The following TRABD variants were observed in gnomAD, a reference collection of about 807,000 sequenced individuals.
TRABD encodes the protein traB domain-containing protein.
A neutral mutation model predicts 39.6 loss-of-function variants in TRABD; 23 were observed. The ratio of observed to expected loss-of-function variants is 0.58; its 90% confidence interval spans 0.42 to 0.82. The LOEUF (loss-of-function observed/expected upper bound fraction) is 0.82. Among genes scored for constraint, TRABD ranks in the 40% least tolerant of loss-of-function variants. TRABD has a pLI of 0.00. For synonymous variants in TRABD, 243 were observed against 232.1 expected (o/e 1.05, Z -0.43); for missense variants, 487 against 544.9 (o/e 0.89, Z 1.06).
In TRABD at chr22:50,198,224, A is replaced by G; in HGVS notation, c.956+38A>G. 1.3e-6 allele frequency: 2 copies of G among 1,574,268 alleles called. No individual in the cohort carries two copies. The highest frequency in any genetic ancestry group is 1.7e-6 in the Non-Finnish European group (2 of 1,157,312). Reference sequence around the variant, plus strand: ...CCCTCCCTGCAAGCCCCACCCCACAAGCCCCCAGGTGGAGGCTGAGCGCCC... The same window carrying G: ...CCCTCCCTGCAAGCCCCACCCCACAGGCCCCCAGGTGGAGGCTGAGCGCCC... On this transcript the variant is annotated intron_variant, in intron 9 of 9. Transcript: ENST00000380909. The surrounding 1 kb of genome is among the most constrained non-coding windows in gnomAD (Gnocchi z 7.9).
At position 50,198,952 on chromosome 22, in the gene TRABD, C is replaced by G. The variant is rs1010142917; in HGVS notation, c.*433C>G. ...CGGCTCCTGGGGGCTCCAGGGCAGG[C>G]GAGACTGGGAAAGGCCCAGCCCTGG... is the stretch of plus-strand genomic sequence containing the variant. On this transcript the variant is annotated 3_prime_UTR_variant, in exon 10 of 10. Coordinates refer to ENST00000380909, the MANE Select transcript of TRABD (RefSeq NM_001320485.2). The surrounding 1 kb of genome is among the most constrained non-coding windows in gnomAD (Gnocchi z 7.9). 5.0e-6 allele frequency: 3 copies of G among 602,460 alleles called. No individual in the cohort carries two copies. The highest frequency in any genetic ancestry group is 6.1e-6 in the Non-Finnish European group (2 of 330,326). The allele number at this position is 602,460 out of a possible 1,614,324, so 37.3% of individuals were successfully genotyped here. A position where few individuals can be genotyped will look rare whatever the true frequency, so the allele number is the denominator to read the frequency against.
chr22:50,192,123 G>C (rs993811867), intron 1 of TRABD: 4 of 152,360 alleles, frequency 2.6e-5, no homozygotes, highest in Non-Finnish European at 5.9e-5. Context: ...ACATGCATGA[G>C]CCATTAACTT....
At chr22:50,196,809 C>T (rs923053538) in intron 5 of TRABD, 4 of 159,086 alleles carry the variant, frequency 2.5e-5, no homozygotes, top group African/African-American at 9.6e-5. Context: ...ATTCTCCTGC[C>T]TCAGCCTCCC....
rs1265075011 is a variant in TRABD at position 50,197,525 on chromosome 22, C to T, written c.608C>T (p.Ala203Val). The change falls in exon 7 of 10, where the codon GCG becomes GTG. Residue 203 changes from alanine (A) to valine (V), a missense_variant. By Grantham distance (64) the Ala-to-Val change is moderately conservative. Around this residue, in one of 3 missense-constraint regions of TRABD, gnomAD observed 358 missense variants for 414.7 expected, o/e 0.86. Coordinates refer to ENST00000380909, the MANE Select transcript of TRABD (RefSeq NM_001320485.2). ...IPVTFKRAIAALSFWQKVRLA... is the reference protein window; with the variant it reads ...IPVTFKRAIAVLSFWQKVRLA... ...GTCACCTTCAAGAGGGCCATCGCAG[C>T]GCTCTCCTTCTGGCAGAAGGTCAGG... The T allele has an allele frequency of 2.5e-6, 4 of 1,613,634 alleles. No individual in the cohort carries two copies. The highest frequency in any genetic ancestry group is 1.3e-5 in the African/African-American group (1 of 74,932).
Position 50,198,228 on chromosome 22 carries a change from C to T in TRABD, c.956+42C>T, listed in dbSNP as rs748105498. ...CCCTGCAAGCCCCACCCCACAAGCC[C>T]CCAGGTGGAGGCTGAGCGCCCTGGA... On this transcript the variant is annotated intron_variant, in intron 9 of 9. Transcript: ENST00000380909. This position sits in a 1 kb window ranked among gnomAD's most constrained non-coding sequence, Gnocchi z 7.9. 3.8e-6 allele frequency: 6 copies of T among 1,568,238 alleles called. No individual in the cohort carries two copies. Among genetic ancestry groups the T allele is most frequent in the African/African-American group, 2.7e-5 (2 of 73,726 alleles).
chr22:50,194,513 G>T lies in TRABD; in HGVS notation c.279+7G>T, dbSNP rs369761320. 1 of 1,550,078 alleles carries T rather than the reference G, an allele frequency of 6.5e-7. No individual in the cohort carries two copies. The highest frequency in any genetic ancestry group is 8.7e-7 in the Non-Finnish European group (1 of 1,146,938). On this transcript the variant is annotated splice_region_variant and intron_variant, in intron 4 of 9. Transcript: ENST00000380909. ...CAAGAGGGACGTTGTGAAGGTGAGCGCCGCCACCCGCCACATCCCGGACAC... is the reference window on the plus strand; with the variant it reads ...CAAGAGGGACGTTGTGAAGGTGAGCTCCGCCACCCGCCACATCCCGGACAC...
intron 5 of TRABD, among the ~76,000 whole-genome samples, chr22:50,196,637 C>T (rs1162271555): frequency 1.3e-5 from 2 of 152,182 alleles, no homozygotes; most frequent in African/African-American, 4.8e-5. Flanking sequence ...CTGCCCAGCA[C>T]CCAGCGTCTG....
intron 1 of TRABD, chr22:50,190,688 C>T (rs992974352): frequency 1.4e-4 from 21 of 152,538 alleles, no homozygotes; most frequent in African/African-American, 5.1e-4. Flanking sequence ...TTGCGCTGCT[C>T]CTAAGAGTTC....
At chr22:50,188,063 C>T (rs1025090248) in intron 1 of TRABD, among the ~76,000 whole-genome samples, 1 of 151,886 alleles carries the variant, frequency 6.6e-6, no homozygotes, top group African/African-American at 2.4e-5. Context: ...AGGTGGATCA[C>T]AAGGTCAGGA....
At chr22:50,188,966 G>A (rs2063826085) in intron 1 of TRABD, among the ~76,000 whole-genome samples, 1 of 152,196 alleles carries the variant, frequency 6.6e-6, no homozygotes, top group South Asian at 2.1e-4. Context: ...ATTCTCAGAG[G>A]CTTCGTCTGC....
Position 50,199,145 on chromosome 22 carries a change from C to T in TRABD, c.*626C>T. The T allele has an allele frequency of 1.4e-6, 1 of 720,112 alleles. No homozygotes were observed. The highest frequency in any genetic ancestry group is 2.6e-6 in the Non-Finnish European group (1 of 386,018). The allele number at this position is 720,112 out of a possible 1,614,324, so 44.6% of individuals were successfully genotyped here. Reference sequence around the variant, plus strand: ...AAAAACTGAAGTAAATGTCAAAAAACACCAGCCTTAAATCCAAAGGGAGAG... The same window carrying T: ...AAAAACTGAAGTAAATGTCAAAAAATACCAGCCTTAAATCCAAAGGGAGAG... On this transcript the variant is annotated 3_prime_UTR_variant, in exon 10 of 10. Coordinates refer to ENST00000380909, the MANE Select transcript of TRABD (RefSeq NM_001320485.2).
intron 1 of TRABD, chr22:50,191,827 C>T (rs1569080664): frequency 6.6e-6 from 1 of 152,256 alleles, no homozygotes; most frequent in Non-Finnish European, 1.5e-5. Flanking sequence ...TCTCGGCTCA[C>T]TGCAACCTCA....
chr22:50,195,167 T>A, intron 5 of TRABD, 127 bp downstream of exon 5: 1 of 1,283,854 alleles, frequency 7.8e-7, no homozygotes, highest in Non-Finnish European at 1.0e-6. Context: ...GCCCTGGGGA[T>A]TGCCGGGTTA....
In TRABD at chr22:50,193,569, C is replaced by A. The variant is rs2063985352; in HGVS notation, c.34-7C>A. ...ACCCTGACTTGAACTCTCCTTTCCA[C>A]CTGCAGGCCAACGTGGAACCTGTTG... On this transcript the variant is annotated splice_region_variant and splice_polypyrimidine_tract_variant and intron_variant, in intron 2 of 9. Coordinates refer to ENST00000380909, the MANE Select transcript of TRABD (RefSeq NM_001320485.2). 1 of 1,613,638 alleles carries A rather than the reference C, an allele frequency of 6.2e-7. No homozygotes were observed. The highest frequency in any genetic ancestry group is 1.3e-5 in the African/African-American group (1 of 74,930).
intron 3 of TRABD, 33 bp downstream of exon 3, chr22:50,193,687 CG>C (rs759022716): frequency 6.2e-7 from 1 of 1,600,842 alleles, no homozygotes; most frequent in South Asian, 1.1e-5. Context: ...GCACGTTCCC[CG>C]GTGTTGGGCT....
chr22:50,197,191 G>GCGGGGGGCCCCCCCCCCCC, intron 5 of TRABD, 50 bp from the exon 6 acceptor site: 1 of 1,553,436 alleles, frequency 6.4e-7, no homozygotes, highest in African/African-American at 1.4e-5. Flanking sequence ...TTCCCCCAGC[G>GCGGGGGGCCCCCCCCCCCC]CACCCCCGCA....
chr22:50,197,192 C>CGGGGG, intron 5 of TRABD, 49 bp from the exon 6 acceptor site: 1 of 1,562,606 alleles, frequency 6.4e-7, no homozygotes, highest in African/African-American at 1.4e-5. Context: ...TCCCCCAGCG[C>CGGGGG]ACCCCCGCAC....
At chr22:50,196,994 G>A (rs544610003) in intron 5 of TRABD, 42 of 513,072 alleles carry the variant, frequency 8.2e-5, no homozygotes, top group African/African-American at 5.0e-4. Flanking sequence ...CACTGCACCC[G>A]GCCCGTGAAG....
In TRABD at chr22:50,198,419, A is replaced by T. The variant is rs753437007; in HGVS notation, c.1031A>T (p.Tyr344Phe). 6.3e-7 allele frequency: 1 copy of T among 1,597,104 alleles called. No homozygotes were observed. The highest frequency in any genetic ancestry group is 1.1e-5 in the South Asian group (1 of 90,206). The change falls in exon 10 of 10, where the codon TAC becomes TTC. Residue 344 changes from tyrosine to phenylalanine, a missense_variant. Around this residue, in one of 3 missense-constraint regions of TRABD, gnomAD observed 123 missense variants for 108.3 expected, o/e 1.14. Coordinates refer to ENST00000380909, the MANE Select transcript of TRABD (RefSeq NM_001320485.2). This position sits in a 1 kb window ranked among gnomAD's most constrained non-coding sequence, Gnocchi z 7.9. ...VKAAFFGLLGYSLYWMGRRTA... is the reference protein window; with the variant it reads ...VKAAFFGLLGFSLYWMGRRTA... ...GCCGCCTTCTTCGGCCTGCTGGGCT[A>T]CAGCCTGTACTGGATGGGCCGCCGC... is the stretch of plus-strand genomic sequence containing the variant.
Sources: gnomAD v4.1 joint callset for allele counts (sites outside exome capture counted in the v4.1 genomes callset) on GRCh38, gnomAD v4.1.1 for gene constraint, gnomAD v4.1.1 regional missense constraint, Gnocchi (gnomAD v3.1) non-coding constraint, MANE v1.5 for transcripts, NCBI Gene and HGNC (gene_info 2026-07-23, HGNC 2026-07-21) for gene names.